The following GALNT17 variants were observed in gnomAD, a reference collection of about 807,000 sequenced individuals.
The protein encoded by GALNT17 is polypeptide N-acetylgalactosaminyltransferase 17.
A neutral mutation model predicts 63.7 loss-of-function variants in GALNT17; 29 were observed. The observed-to-expected ratio is 0.46, with a 90% CI of 0.34 to 0.62. The LOEUF is 0.62. GALNT17 is among the 20% of genes least tolerant of loss of function. The probability of loss-of-function intolerance (pLI) is 0.01; values close to 1 mark genes in which losing one functional copy is unlikely to be tolerated. For missense variants in GALNT17, 603 were observed against 799.6 expected (o/e 0.75, Z 2.97); for synonymous variants, 305 against 318.3 (o/e 0.96, Z 0.45).
At chr7:71,223,790 A>G (rs533259016) in intron 1 of GALNT17, among the ~76,000 whole-genome samples, 7 of 151,968 alleles carry the variant, frequency 4.6e-5, no homozygotes, top group African/African-American at 7.2e-5. Context: ...TTAACCTCCC[A>G]CTTATTAGTG....
intron 1 of GALNT17, among the ~76,000 whole-genome samples, chr7:71,298,960 G>A (rs538879104): frequency 2.6e-5 from 4 of 152,306 alleles, no homozygotes; most frequent in South Asian, 2.1e-4. Context: ...ATGGGCACAC[G>A]AGGGTTTTTG....
chr7:71,651,383 A>G (rs1324254126), intron 6 of GALNT17, among the ~76,000 whole-genome samples: 1 of 151,546 alleles, frequency 6.6e-6, no homozygotes, highest in African/African-American at 2.4e-5. Flanking sequence ...GCTCACTGCA[A>G]CCTCTGCCTC....
At chr7:71,163,347 A>G (rs918038456) in intron 1 of GALNT17, among the ~76,000 whole-genome samples, 2 of 152,154 alleles carry the variant, frequency 1.3e-5, no homozygotes, top group Non-Finnish European at 2.9e-5. Context: ...TTTGGTTTAC[A>G]TGGGGGAAGA....
intron 9 of GALNT17, among the ~76,000 whole-genome samples, chr7:71,697,348 G>A (rs377484650): frequency 5.9e-5 from 9 of 152,138 alleles, no homozygotes; most frequent in East Asian, 5.8e-4. Context: ...AAGAATATTC[G>A]GGTCTCAGAA....
rs147810329 is a variant in GALNT17, at chr7:71,662,332, A to ATCTATCTATCTATCTATCTATCTG, written c.1081-3076_1081-3075insATCTATCTATCTATCTATCTGTCT. On this transcript the variant is annotated intron_variant, in intron 6 of 10. Coordinates refer to ENST00000333538, the MANE Select transcript of GALNT17 (RefSeq NM_022479.3). ...CATCTCTCTGTTTATCTATCTATCT[A>ATCTATCTATCTATCTATCTATCTG]TCTGTCTGTCTGTCTGTCTGTCTAT... Among the ~76,000 whole-genome samples, 3 of 151,230 alleles carry ATCTATCTATCTATCTATCTATCTG rather than the reference A, an allele frequency of 2.0e-5. No homozygotes were observed. In the South Asian group the frequency reaches 6.3e-4, roughly 32 times the overall value.
intron 6 of GALNT17, among the ~76,000 whole-genome samples, chr7:71,579,729 T>C (rs915283029): frequency 3.3e-5 from 5 of 152,192 alleles, no homozygotes; most frequent in Admixed American, 3.3e-4. Context: ...AGAAAACCTC[T>C]TAGATGCAGC....
chr7:71,584,486 G>A (rs773057168), intron 6 of GALNT17, among the ~76,000 whole-genome samples: 2 of 151,860 alleles, frequency 1.3e-5, no homozygotes, highest in Non-Finnish European at 2.9e-5. Flanking sequence ...CCCAGACATC[G>A]TCTCATTCCA....
Position 71,418,005 on chromosome 7 carries a change from G to T in GALNT17, c.764+1942G>T, listed in dbSNP as rs987240516. ...GTCACTGCTGGAACTCATTCTTTTG[G>T]CAGATACTTGCTAGATGCCTACCAT... On this transcript the variant is annotated intron_variant, in intron 4 of 10. Coordinates refer to ENST00000333538, the MANE Select transcript of GALNT17 (RefSeq NM_022479.3). 1.3e-4 allele frequency among the ~76,000 whole-genome samples: 20 copies of T among 152,154 alleles called. No homozygotes were observed. The East Asian group carries it at 2.5e-3, about 19-fold the overall frequency.
chr7:71,351,928 C>T (rs1439041545), intron 2 of GALNT17, among the ~76,000 whole-genome samples: 1 of 152,076 alleles, frequency 6.6e-6, no homozygotes, highest in Non-Finnish European at 1.5e-5. Context: ...TTGCAGAGTG[C>T]AGAAGAGATG....
In GALNT17 at chr7:71,483,376, A is replaced by G. The variant is rs931464494; in HGVS notation, c.962+62271A>G. Among the ~76,000 whole-genome samples, 3 of 152,174 alleles carry G rather than the reference A, an allele frequency of 2.0e-5. No homozygotes were observed. In the South Asian group the frequency reaches 6.2e-4, roughly 32 times the overall value. On this transcript the variant is annotated intron_variant, in intron 5 of 10. Coordinates refer to ENST00000333538, the MANE Select transcript of GALNT17 (RefSeq NM_022479.3). Reference sequence around the variant, plus strand: ...TCCCAGCTACTCTGGAGGCTGAGGCAGGAGAATTGCTTGAACCCGGGAGGT... The same window carrying G: ...TCCCAGCTACTCTGGAGGCTGAGGCGGGAGAATTGCTTGAACCCGGGAGGT...
At position 71,379,321 on chromosome 7, in the gene GALNT17, G is replaced by T. The variant is rs188272878; in HGVS notation, c.423-8914G>T. 9.5e-3 allele frequency among the ~76,000 whole-genome samples: 1,445 copies of T among 152,272 alleles called. 17 individuals are homozygous for T. Among genetic ancestry groups the T allele is most frequent in the Non-Finnish European group, 0.012 (794 of 68,026 alleles). On this transcript the variant is annotated intron_variant, in intron 2 of 10. Transcript: ENST00000333538. Reference sequence around the variant, plus strand: ...CGATGAGGTTGGAGAGATGGATCGGGCTCAACTTGGGTGCCAAGCAGAGGA... The same window carrying T: ...CGATGAGGTTGGAGAGATGGATCGGTCTCAACTTGGGTGCCAAGCAGAGGA...
intron 6 of GALNT17, among the ~76,000 whole-genome samples, chr7:71,642,884 A>G (rs1423649366): frequency 2.0e-5 from 3 of 152,166 alleles, no homozygotes; most frequent in African/African-American, 4.8e-5. Flanking sequence ...CTATCAGCCA[A>G]TGCTATCCAG....
At chr7:71,202,054 CAT>C (rs889178851) in intron 1 of GALNT17, among the ~76,000 whole-genome samples, 9 of 152,302 alleles carry the variant, frequency 5.9e-5, no homozygotes, top group Admixed American at 5.9e-4. Flanking sequence ...TTGTTTCAAA[CAT>C]ATTATAATGT....
intron 6 of GALNT17, among the ~76,000 whole-genome samples, chr7:71,621,907 G>T (rs1463462659): frequency 2.6e-5 from 4 of 152,160 alleles, no homozygotes; most frequent in East Asian, 1.9e-4. Flanking sequence ...GGACCCTGGG[G>T]TTCAATTTTT....
intron 2 of GALNT17, among the ~76,000 whole-genome samples, chr7:71,370,642 A>G (rs1197431884): frequency 1.3e-5 from 2 of 151,718 alleles, no homozygotes; most frequent in African/African-American, 4.8e-5. Flanking sequence ...TAATTTTTGT[A>G]TTTTTAGTAG....
At chr7:71,233,747 G>A (rs568908235) in intron 1 of GALNT17, among the ~76,000 whole-genome samples, 39 of 152,212 alleles carry the variant, frequency 2.6e-4, no homozygotes, top group African/African-American at 9.2e-4. Context: ...GCCCTTGGGA[G>A]CACACATGTA....
chr7:71,327,896 T>C (rs1322776853), intron 1 of GALNT17, among the ~76,000 whole-genome samples: 4 of 152,166 alleles, frequency 2.6e-5, no homozygotes, highest in Non-Finnish European at 4.4e-5. Flanking sequence ...CCCAGCCCAG[T>C]AGGGAAAGAG....
At chr7:71,201,239 T>TATATCTATATCTATATATATATATATATA (rs1554338078) in intron 1 of GALNT17, among the ~76,000 whole-genome samples, 1 of 101,564 alleles carries the variant, frequency 9.8e-6, no homozygotes, top group African/African-American at 3.8e-5. Context: ...GTGTGTTTAT[T>TATATCTATATCTATATATATATATATATA]TTTATATATA....
At chr7:71,190,012 T>C (rs549453280) in intron 1 of GALNT17, among the ~76,000 whole-genome samples, 105 of 152,082 alleles carry the variant, frequency 6.9e-4, no homozygotes, top group Non-Finnish European at 1.3e-3. Context: ...AGGGTTTCAC[T>C]GTGTTAGCCA....
Sources: allele counts gnomAD v4.1 joint callset (sites outside exome capture counted in the v4.1 genomes callset), GRCh38; gene constraint gnomAD v4.1.1; transcripts MANE v1.5; gene names NCBI Gene and HGNC (gene_info 2026-07-23, HGNC 2026-07-21).